PDIA4: variants seen among roughly 807,000 people sequenced by gnomAD.
PDIA4 encodes the protein protein disulfide isomerase family A member 4, also known as protein disulfide-isomerase A4.
Under a neutral mutation model 62.1 loss-of-function variants are expected in PDIA4, and 33 were observed. The observed-to-expected ratio is 0.53, with a 90% CI of 0.40 to 0.71. The LOEUF (loss-of-function observed/expected upper bound fraction) is 0.71. PDIA4 is among the 30% of genes least tolerant of loss of function. PDIA4 has a pLI of 0.00. For synonymous variants in PDIA4, 341 were observed against 324.1 expected, an observed-to-expected ratio of 1.05 and a Z score of -0.56; for missense variants, 804 against 813.6, an observed-to-expected ratio of 0.99 and a Z score of 0.14.
At chr7:149,023,232 G>A (rs1824417881) in intron 1 of PDIA4, among the ~76,000 whole-genome samples, 1 of 152,226 alleles carries the variant, frequency 6.6e-6, no homozygotes, top group African/African-American at 2.4e-5. Context: ...CTGTGGAGCA[G>A]AGGGAAACCC....
intron 1 of PDIA4, chr7:149,027,729 G>C: frequency 2.5e-6 from 1 of 396,324 alleles, no homozygotes; most frequent in Non-Finnish European, 5.1e-6. Context: ...CCCAGTACAG[G>C]GACTGGCACA....
chr7:149,014,243 G>GAT (rs1585420153), intron 4 of PDIA4, among the ~76,000 whole-genome samples: 1 of 152,022 alleles, frequency 6.6e-6, no homozygotes, highest in East Asian at 1.9e-4. Context: ...CATCAGCCAT[G>GAT]GCCTCCACCT....
At chr7:149,022,115 T>G (rs1351827305) in intron 1 of PDIA4, among the ~76,000 whole-genome samples, 2 of 152,180 alleles carry the variant, frequency 1.3e-5, no homozygotes, top group African/African-American at 2.4e-5. Flanking sequence ...GAGGATGGAA[T>G]ACTAATTCCA....
In PDIA4 at chr7:149,025,085, A is replaced by T. The variant is rs868387225; in HGVS notation, c.88+3236T>A. 8.5e-3 allele frequency among the ~76,000 whole-genome samples: 191 copies of T among 22,344 alleles called. 1 individual carries two copies. Among genetic ancestry groups the T allele is most frequent in the East Asian group, 0.023 (46 of 1,990 alleles). The allele number at this position is 22,344 out of a possible 152,430, so 14.7% of individuals were successfully genotyped here. A position where few individuals can be genotyped will look rare whatever the true frequency, so the allele number is the denominator to read the frequency against. ...AACTCCATCTCAAAAAAAAAAAAAA[A>T]ATATATATATATATATATATATGTA... On this transcript the variant is annotated intron_variant, in intron 1 of 9. Transcript: ENST00000652332.
Position 149,005,973 on chromosome 7 carries a change from G to A in PDIA4, c.1212C>T (p.Asn404=), listed in dbSNP as rs374232563. The A allele has an allele frequency of 2.1e-5, 32 of 1,541,968 alleles. No individual in the cohort carries two copies. The highest frequency in any genetic ancestry group is 2.0e-4 in the South Asian group (16 of 78,938). ...LPLVGHRKVS[N]DAKRYTRRPL... ...GGCGCCTGGTGTAGCGCTTAGCATC[G>A]TTTGACACCTTGCGGTGGCCAACCA... Residue 404 remains asparagine, a synonymous_variant, in exon 8 of 10, where the codon AAC becomes AAT. Transcript: ENST00000652332.
chr7:149,023,251 C>T (rs1426918402), intron 1 of PDIA4, among the ~76,000 whole-genome samples: 2 of 152,168 alleles, frequency 1.3e-5, no homozygotes, highest in African/African-American at 4.8e-5. Flanking sequence ...CCAGTGTTCC[C>T]AAGGTTTTCT....
intron 7 of PDIA4, among the ~76,000 whole-genome samples, chr7:149,007,554 C>T (rs957101656): frequency 1.3e-5 from 2 of 152,236 alleles, no homozygotes; most frequent in South Asian, 4.1e-4. Context: ...AAGTGCAGGG[C>T]CCCTTCTAAA....
intron 4 of PDIA4, among the ~76,000 whole-genome samples, chr7:149,014,499 G>A (rs1395950874): frequency 2.6e-5 from 4 of 151,958 alleles, no homozygotes; most frequent in South Asian, 2.1e-4. Context: ...GTCTTCTTCC[G>A]CTCTGCTCTC....
chr7:149,011,798 C>T (rs375710204), intron 6 of PDIA4, 48 bp downstream of exon 6: 15 of 1,462,002 alleles, frequency 1.0e-5, no homozygotes, highest in Admixed American at 4.7e-5. Flanking sequence ...CAACCGCAGA[C>T]GGCCCAAGGC....
chr7:149,009,337 A>G (rs1359773054), intron 6 of PDIA4, among the ~76,000 whole-genome samples: 1 of 152,226 alleles, frequency 6.6e-6, no homozygotes. Flanking sequence ...AGTTCACAGA[A>G]AAACAGCTAA....
At chr7:149,019,221 A>C (rs762738924) in intron 2 of PDIA4, 24 bp from the exon 3 acceptor site, 1 of 1,509,740 alleles carries the variant, frequency 6.6e-7, no homozygotes, top group South Asian at 1.1e-5. Flanking sequence ...TAGGAAGGGC[A>C]AAAAACGTTA....
intron 4 of PDIA4, among the ~76,000 whole-genome samples, chr7:149,013,122 C>T (rs1256240964): frequency 6.6e-6 from 1 of 152,126 alleles, no homozygotes; most frequent in Non-Finnish European, 1.5e-5. Flanking sequence ...GTGGTGGGCG[C>T]CTGTAATCCC....
rs1823699127 is a variant in PDIA4, at chr7:149,005,129, C to A, written c.1522+12G>T. On this transcript the variant is annotated intron_variant, in intron 9 of 9. Transcript: ENST00000652332. Reference sequence around the variant, plus strand: ...AGCTGATGGGAGACCCCAGCCCCAGCCACGGGCTCACCTTTTTTGAAAGCA... The same window carrying A: ...AGCTGATGGGAGACCCCAGCCCCAGACACGGGCTCACCTTTTTTGAAAGCA... 3.1e-6 allele frequency: 5 copies of A among 1,599,312 alleles called. No homozygotes were observed. The highest frequency in any genetic ancestry group is 4.3e-6 in the Non-Finnish European group (5 of 1,166,688).
intron 1 of PDIA4, among the ~76,000 whole-genome samples, chr7:149,023,781 C>A (rs1425987657): frequency 6.6e-6 from 1 of 152,138 alleles, no homozygotes; most frequent in Non-Finnish European, 1.5e-5. Flanking sequence ...ATAGACAACT[C>A]CTTTACAGGG....
intron 1 of PDIA4, among the ~76,000 whole-genome samples, chr7:149,024,525 T>A (rs1027633080): frequency 3.9e-5 from 6 of 151,920 alleles, no homozygotes; most frequent in Non-Finnish European, 8.8e-5. Context: ...AGAAAATACA[T>A]CCAGGGCCGG....
At chr7:149,015,182 T>C in intron 3 of PDIA4, 140 bp from the exon 4 acceptor site, 3 of 798,938 alleles carry the variant, frequency 3.8e-6, no homozygotes, top group Non-Finnish European at 5.8e-6. Flanking sequence ...TCCTGAAACC[T>C]GGCTGCATCT....
chr7:149,011,222 G>A (rs1043946252), intron 6 of PDIA4, among the ~76,000 whole-genome samples: 16 of 152,176 alleles, frequency 1.1e-4, no homozygotes, highest in African/African-American at 3.9e-4. Flanking sequence ...CCAGGACCCT[G>A]AGTACACCTG....
chr7:149,015,357 A>G lies in PDIA4; in HGVS notation c.476-315T>C, dbSNP rs186098042. Among the ~76,000 whole-genome samples, 181 of 152,218 alleles carry G rather than the reference A, an allele frequency of 1.2e-3. 1 individual carries two copies. Among genetic ancestry groups the G allele is most frequent in the Middle Eastern group, 6.8e-3 (2 of 294 alleles). ...TGGTACTAACTCCACGCAAACCCTC[A>G]CCAACTCCCAATGGTTTTGATTACA... On this transcript the variant is annotated intron_variant, in intron 3 of 9. Transcript: ENST00000652332.
At position 149,003,616 on chromosome 7, in the gene PDIA4, G is replaced by A. The variant is rs985262478; in HGVS notation, c.*178C>T. 2 of 434,840 alleles carry A rather than the reference G, an allele frequency of 4.6e-6. No homozygotes were observed. The highest frequency in any genetic ancestry group is 8.0e-5 in the Admixed American group (2 of 24,888). The allele number at this position is 434,840 out of a possible 1,614,324, so 26.9% of individuals were successfully genotyped here. On this transcript the variant is annotated 3_prime_UTR_variant, in exon 10 of 10. Coordinates refer to ENST00000652332, the MANE Select transcript of PDIA4 (RefSeq NM_004911.5). ...GTAAAAATCTGGACTAAACTATTCA[G>A]TCATTCATGGTTATTCAGTATTCAG...
Sources: gnomAD v4.1 joint callset for allele counts (sites outside exome capture counted in the v4.1 genomes callset) on GRCh38, gnomAD v4.1.1 for gene constraint, MANE v1.5 for transcripts, NCBI Gene and HGNC (gene_info 2026-07-23, HGNC 2026-07-21) for gene names.